The following MARCHF1 variants were observed in gnomAD, a reference collection of about 807,000 sequenced individuals.
The protein encoded by MARCHF1 is membrane associated ring-CH-type finger 1.
A neutral mutation model predicts 54.2 loss-of-function variants in MARCHF1; 40 were observed. The ratio of observed to expected loss-of-function variants is 0.74; its 90% CI spans 0.57 to 0.96. MARCHF1 has a LOEUF of 0.96. MARCHF1 is among the 40% of genes least tolerant of loss of function. The probability of loss-of-function intolerance (pLI) is 0.00; values close to 1 mark genes in which losing one functional copy is unlikely to be tolerated. For missense variants in MARCHF1, 586 were observed against 656.5 expected (o/e 0.89, Z 1.17); for synonymous variants, 236 against 236.3 (o/e 1.00, Z 0.01).
At chr4:163,799,568 C>G (rs1277457848) in intron 4 of MARCHF1, among the ~76,000 whole-genome samples, 1 of 152,044 alleles carries the variant, frequency 6.6e-6, no homozygotes, top group Non-Finnish European at 1.5e-5. Flanking sequence ...CACACATATA[C>G]CCACTTACAA....
chr4:163,727,395 C>T (rs1443461150), intron 4 of MARCHF1, among the ~76,000 whole-genome samples: 4 of 151,812 alleles, frequency 2.6e-5, no homozygotes, highest in African/African-American at 9.7e-5. Flanking sequence ...TCAAGCTCCG[C>T]CTCCCAGGTT....
intron 1 of MARCHF1, among the ~76,000 whole-genome samples, chr4:164,199,515 C>A (rs199828637): frequency 3.3e-5 from 5 of 151,826 alleles, no homozygotes; most frequent in Admixed American, 2.0e-4. Flanking sequence ...TTGTAGAGCC[C>A]GCCTGTAATC....
chr4:164,002,131 A>C (rs1029813003), intron 2 of MARCHF1, among the ~76,000 whole-genome samples: 4 of 151,748 alleles, frequency 2.6e-5, no homozygotes, highest in African/African-American at 9.7e-5. Context: ...ACACTTTATA[A>C]GGAAAGATAA....
intron 4 of MARCHF1, among the ~76,000 whole-genome samples, chr4:163,845,378 A>G (rs1395588962): frequency 6.6e-6 from 1 of 151,936 alleles, no homozygotes; most frequent in African/African-American, 2.4e-5. Flanking sequence ...AAACATAAAA[A>G]CATTCTCACA....
chr4:163,668,502 G>A (rs1435029795), intron 5 of MARCHF1, among the ~76,000 whole-genome samples: 2 of 152,134 alleles, frequency 1.3e-5, no homozygotes, highest in African/African-American at 4.8e-5. Context: ...AGGAGATGGA[G>A]GTAGAATGGG....
intron 1 of MARCHF1, among the ~76,000 whole-genome samples, chr4:164,175,297 T>G (rs1369592857): frequency 1.3e-5 from 2 of 152,158 alleles, no homozygotes; most frequent in African/African-American, 4.8e-5. Flanking sequence ...CTAAGAAAAT[T>G]TAAGCCTTCA....
At chr4:163,901,553 C>G (rs946785010) in intron 3 of MARCHF1, among the ~76,000 whole-genome samples, 1 of 152,182 alleles carries the variant, frequency 6.6e-6, no homozygotes, top group African/African-American at 2.4e-5. Context: ...AGGCAGCACA[C>G]TTACTGCACA....
In MARCHF1 at chr4:164,333,448, A is replaced by C. The variant is rs187793217; in HGVS notation, c.-323+50422T>G. On this transcript the variant is annotated intron_variant, in intron 1 of 9. Coordinates refer to ENST00000514618, the MANE Select transcript of MARCHF1 (RefSeq NM_001394959.1). Reference sequence around the variant, plus strand: ...TTATGCTAATTCTCACAATATTTTAAATGATTTCATTATTATTATATCTAT... The same window carrying C: ...TTATGCTAATTCTCACAATATTTTACATGATTTCATTATTATTATATCTAT... 2.4e-3 allele frequency among the ~76,000 whole-genome samples: 359 copies of C among 152,286 alleles called. 7 individuals carry two copies. The highest frequency in any genetic ancestry group is 0.02 in the Admixed American group (313 of 15,290).
At chr4:163,550,896 C>G (rs1739087906) in intron 8 of MARCHF1, among the ~76,000 whole-genome samples, 1 of 152,178 alleles carries the variant, frequency 6.6e-6, no homozygotes. Context: ...CCACACCAAA[C>G]TCACGGAATC....
chr4:163,840,660 T>C (rs1481019942), intron 4 of MARCHF1, among the ~76,000 whole-genome samples: 3 of 152,036 alleles, frequency 2.0e-5, no homozygotes, highest in Admixed American at 6.6e-5. Flanking sequence ...AAAGGAGAGA[T>C]GCTCGTCAAA....
intron 1 of MARCHF1, among the ~76,000 whole-genome samples, chr4:164,155,334 C>CAAA (rs11402101): frequency 5.4e-5 from 8 of 149,456 alleles, no homozygotes; most frequent in African/African-American, 1.5e-4. Flanking sequence ...ACTAAACTTT[C>CAAA]AAAAAAAAAA....
At chr4:163,807,734 T>C (rs1302523767) in intron 4 of MARCHF1, among the ~76,000 whole-genome samples, 1 of 152,008 alleles carries the variant, frequency 6.6e-6, no homozygotes, top group East Asian at 1.9e-4. Context: ...AAAATACATA[T>C]ATAACAAATA....
chr4:163,598,924 C>T (rs1210133660), intron 7 of MARCHF1, among the ~76,000 whole-genome samples: 1 of 152,152 alleles, frequency 6.6e-6, no homozygotes, highest in Non-Finnish European at 1.5e-5. Context: ...CAGCTTAAAA[C>T]AGAAATAAAT....
intron 2 of MARCHF1, among the ~76,000 whole-genome samples, chr4:164,015,119 G>A (rs181300345): frequency 6.6e-6 from 1 of 152,024 alleles, no homozygotes; most frequent in African/African-American, 2.4e-5. Context: ...TCAAACAATG[G>A]AACAGAATAG....
chr4:164,076,957 A>C (rs1228260013), intron 2 of MARCHF1, among the ~76,000 whole-genome samples: 3 of 152,214 alleles, frequency 2.0e-5, no homozygotes, highest in Non-Finnish European at 4.4e-5. Context: ...CATACAGCCC[A>C]AATTAATTTA....
chr4:163,851,756 G>A (rs970534057), intron 4 of MARCHF1, among the ~76,000 whole-genome samples: 3 of 152,150 alleles, frequency 2.0e-5, no homozygotes, highest in Admixed American at 1.3e-4. Flanking sequence ...ATGGAAGGAC[G>A]TCCTTGCATA....
chr4:164,110,678 T>TG (rs1560909554), intron 2 of MARCHF1, among the ~76,000 whole-genome samples: 1 of 149,724 alleles, frequency 6.7e-6, no homozygotes, highest in Non-Finnish European at 1.5e-5. Context: ...CATATTTTTT[T>TG]TCTCTTGTGA....
chr4:164,048,255 CT>C (rs1343307102), intron 2 of MARCHF1, among the ~76,000 whole-genome samples: 5 of 151,892 alleles, frequency 3.3e-5, no homozygotes, highest in African/African-American at 1.2e-4. Context: ...CACTTTAATC[CT>C]TTTTTCTAGT....
At chr4:164,086,436 T>C (rs1755193727) in intron 2 of MARCHF1, among the ~76,000 whole-genome samples, 1 of 152,010 alleles carries the variant, frequency 6.6e-6, no homozygotes, top group South Asian at 2.1e-4. Flanking sequence ...TTCATTAATA[T>C]AATAAATTTC....
Sources: allele counts gnomAD v4.1 joint callset (sites outside exome capture counted in the v4.1 genomes callset), GRCh38; gene constraint gnomAD v4.1.1; transcripts MANE v1.5; gene names NCBI Gene and HGNC (gene_info 2026-07-23, HGNC 2026-07-21).